OSBPL9: variants seen among roughly 807,000 people sequenced by gnomAD.
The protein encoded by OSBPL9 is oxysterol-binding protein-related protein 9.
OSBPL9 carries 40 observed loss-of-function variants against 106.6 expected under a neutral mutation model. That is an observed-to-expected ratio of 0.38 (90% confidence interval 0.29 to 0.49). The LOEUF is 0.49. Among genes scored for constraint, OSBPL9 ranks in the 20% least tolerant of loss-of-function variants. OSBPL9 has a pLI of 0.97. For synonymous variants in OSBPL9, 269 were observed against 295.4 expected, an observed-to-expected ratio of 0.91 and a Z score of 0.92; for missense variants, 609 against 887.2, an observed-to-expected ratio of 0.69 and a Z score of 3.98.
At chr1:51,650,548 A>G (rs1347133586) in intron 1 of OSBPL9, among the ~76,000 whole-genome samples, 2 of 152,278 alleles carry the variant, frequency 1.3e-5, no homozygotes, top group East Asian at 3.9e-4. Flanking sequence ...CCTAAAATAT[A>G]TGATTCCTGA....
intron 3 of OSBPL9, among the ~76,000 whole-genome samples, chr1:51,676,327 G>A (rs968269190): frequency 2.6e-5 from 4 of 151,876 alleles, no homozygotes; most frequent in Non-Finnish European, 5.9e-5. Context: ...CTACTCAGGA[G>A]GCTAAGGCTG....
chr1:51,704,137 G>T (rs1356016235), intron 3 of OSBPL9, among the ~76,000 whole-genome samples: 1 of 152,218 alleles, frequency 6.6e-6, no homozygotes, highest in Non-Finnish European at 1.5e-5. Flanking sequence ...GTATCAGGAT[G>T]ATGCTGGCCT....
the OSBPL9 span, among the ~76,000 whole-genome samples, chr1:51,549,889 C>T: frequency 1.2e-4 from 19 of 152,156 alleles, no homozygotes; most frequent in Non-Finnish European, 2.5e-4. Context: ...TGTGGAATGT[C>T]GGTTGCCTAC....
intron 2 of OSBPL9, among the ~76,000 whole-genome samples, chr1:51,668,892 A>G (rs1323180563): frequency 5.9e-5 from 9 of 152,356 alleles, no homozygotes; most frequent in South Asian, 4.1e-4. Context: ...TAATCACAGT[A>G]TACTGTGAAA....
At chr1:51,645,253 A>T (rs1450436743) in intron 1 of OSBPL9, among the ~76,000 whole-genome samples, 1 of 152,184 alleles carries the variant, frequency 6.6e-6, no homozygotes, top group Non-Finnish European at 1.5e-5. Flanking sequence ...TTTTCTTAAC[A>T]CTTATCACCA....
chr1:51,527,891 G>A, the OSBPL9 span, among the ~76,000 whole-genome samples: 7 of 151,016 alleles, frequency 4.6e-5, no homozygotes, highest in Non-Finnish European at 1.0e-4. Context: ...GGCAAGCAGA[G>A]CACTTGAGGT....
At chr1:51,752,704 G>A (rs1381502873) in intron 8 of OSBPL9, 4 of 368,866 alleles carry the variant, frequency 1.1e-5, no homozygotes, top group Admixed American at 9.7e-5. Flanking sequence ...AGATAGCCAT[G>A]TCTTCACATA....
At chr1:51,547,790 G>T in the OSBPL9 span, among the ~76,000 whole-genome samples, 6 of 152,166 alleles carry the variant, frequency 3.9e-5, no homozygotes, top group South Asian at 1.2e-3. Context: ...GGTCGAAGCT[G>T]CAGGGAGCCA....
chr1:51,770,558 G>A (rs1047161830), intron 12 of OSBPL9, among the ~76,000 whole-genome samples: 3 of 152,142 alleles, frequency 2.0e-5, no homozygotes, highest in East Asian at 1.9e-4. Context: ...AATTACAGGC[G>A]TGAGCCATCA....
the OSBPL9 span, among the ~76,000 whole-genome samples, chr1:51,566,779 T>A: frequency 3.9e-5 from 6 of 152,176 alleles, no homozygotes; most frequent in Admixed American, 1.3e-4. Flanking sequence ...GCAGCTCTCA[T>A]CATTCTCTGA....
chr1:51,745,488 A>G (rs765657353), intron 4 of OSBPL9, 48 bp from the exon 5 acceptor site: 13 of 1,591,046 alleles, frequency 8.2e-6, no homozygotes, highest in Non-Finnish European at 1.1e-5. Flanking sequence ...TGTACTATTA[A>G]ACTTTGCTTG....
intron 3 of OSBPL9, among the ~76,000 whole-genome samples, chr1:51,692,608 TTCTC>T (rs1557696484): frequency 2.0e-5 from 3 of 151,632 alleles, no homozygotes; most frequent in Non-Finnish European, 4.4e-5. Context: ...TCCTTTTCCT[TTCTC>T]TCTCTCCTTC....
At chr1:51,539,361 A>T in the OSBPL9 span, among the ~76,000 whole-genome samples, 1 of 152,124 alleles carries the variant, frequency 6.6e-6, no homozygotes, top group Admixed American at 6.6e-5. Flanking sequence ...TGAAAATTTT[A>T]CCTCCAAAAT....
chr1:51,745,618 T>C lies in OSBPL9; in HGVS notation c.401T>C (p.Ile134Thr). Residue 134 changes from isoleucine to threonine, a missense_variant, in exon 5 of 24, where the codon ATT (isoleucine) becomes ACT (threonine). This residue lies in a region of OSBPL9 where 356 missense variants were observed against 505.8 expected (regional missense o/e 0.70). Transcript: ENST00000428468. ...TEADAYLQIL[I>T]EQLKLFDDKL... ...GCTGATGCTTACCTACAAATCTTGA[T>C]TGAACAATTAAAGGTATGGCATTAG... The C allele has an allele frequency of 6.3e-7, 1 of 1,588,646 alleles. No homozygotes were observed. The highest frequency in any genetic ancestry group is 8.5e-7 in the Non-Finnish European group (1 of 1,172,402).
intron 1 of OSBPL9, among the ~76,000 whole-genome samples, chr1:51,593,202 G>A (rs1242934286): frequency 6.6e-6 from 1 of 152,068 alleles, no homozygotes; most frequent in Non-Finnish European, 1.5e-5. Context: ...GAGAGAGAGA[G>A]GGAGAGAGAA....
intron 4 of OSBPL9, among the ~76,000 whole-genome samples, chr1:51,728,639 A>G (rs2148932085): frequency 6.6e-6 from 1 of 152,302 alleles, no homozygotes; most frequent in East Asian, 1.9e-4. Context: ...TACATACAAC[A>G]AACTGAAGGT....
At chr1:51,787,324 T>G (rs1557882564) in intron 22 of OSBPL9, 29 bp from the exon 23 acceptor site, 2 of 1,602,126 alleles carry the variant, frequency 1.2e-6, no homozygotes, top group Non-Finnish European at 1.7e-6. Context: ...TTCTCAACAT[T>G]GGCAGCTCCT....
At chr1:51,523,086 G>A in the OSBPL9 span, among the ~76,000 whole-genome samples, 16 of 151,784 alleles carry the variant, frequency 1.1e-4, no homozygotes, top group South Asian at 2.1e-4. Context: ...GTGAGACCTC[G>A]TCTCTATTTT....
chr1:51,562,048 A>G, the OSBPL9 span: 1 of 152,380 alleles, frequency 6.6e-6, no homozygotes, highest in African/African-American at 2.4e-5. Flanking sequence ...GCAAAGAACC[A>G]GTGAACAAGG....
Sources: gnomAD v4.1 joint callset for allele counts (sites outside exome capture counted in the v4.1 genomes callset) on GRCh38, gnomAD v4.1.1 for gene constraint, gnomAD v4.1.1 regional missense constraint, MANE v1.5 for transcripts, NCBI Gene and HGNC (gene_info 2026-07-23, HGNC 2026-07-21) for gene names.